Variants in BPGM observed in about 807,000 individuals in gnomAD.
BPGM encodes the protein bisphosphoglycerate mutase.
A neutral mutation model predicts 21.6 loss-of-function variants in BPGM; 15 were observed. The ratio of observed to expected loss-of-function variants is 0.70; its 90% CI spans 0.47 to 1.07. The LOEUF is 1.07. BPGM is among the 50% of genes least tolerant of loss of function. The probability of loss-of-function intolerance (pLI) is 0.00; values close to 1 mark genes in which losing one functional copy is unlikely to be tolerated. For missense variants in BPGM, 273 were observed against 319.0 expected, an observed-to-expected ratio of 0.86 and a Z score of 1.10; for synonymous variants, 113 against 116.2, an observed-to-expected ratio of 0.97 and a Z score of 0.18.
At chr7:134,673,415 G>T (rs201653266) in intron 2 of BPGM, among the ~76,000 whole-genome samples, 76 of 152,042 alleles carry the variant, frequency 5.0e-4, no homozygotes, top group African/African-American at 1.5e-3. Context: ...TTGTTTATTT[G>T]GCTCTTTAAT....
chr7:134,653,280 G>T (rs1795584458), intron 1 of BPGM, among the ~76,000 whole-genome samples: 1 of 152,142 alleles, frequency 6.6e-6, no homozygotes, highest in South Asian at 2.1e-4. Context: ...GCTATTTGGT[G>T]GTTTACAGAA....
At chr7:134,650,397 A>C (rs886831683) in intron 1 of BPGM, among the ~76,000 whole-genome samples, 28 of 152,320 alleles carry the variant, frequency 1.8e-4, no homozygotes, top group Non-Finnish European at 3.2e-4. Flanking sequence ...AATCAGTAGG[A>C]AATATTAGTA....
intron 1 of BPGM, among the ~76,000 whole-genome samples, chr7:134,655,236 C>T (rs1318996112): frequency 2.6e-5 from 4 of 152,082 alleles, no homozygotes; most frequent in African/African-American, 4.8e-5. Flanking sequence ...TAGTAAGGTT[C>T]CTCTTTATAA....
chr7:134,664,609 C>T (rs1014519623), intron 2 of BPGM, among the ~76,000 whole-genome samples: 1 of 152,094 alleles, frequency 6.6e-6, no homozygotes, highest in Non-Finnish European at 1.5e-5. Context: ...TCACAATGCC[C>T]AAGAGGAATG....
In BPGM at chr7:134,659,178, C is replaced by T. The variant is rs148739415; in HGVS notation, c.-61-2269C>T. The stretch of plus-strand genomic sequence containing the variant: ...TAAACTGAGGGTGAAGGTAGAGGAA[C>T]AGTTGATAGCTTCTTTTTTCTCCAT... On this transcript the variant is annotated intron_variant, in intron 1 of 2. Transcript: ENST00000344924. Among the ~76,000 whole-genome samples the T allele has an allele frequency of 3.5e-3, 528 of 152,252 alleles. 3 individuals carry two copies. The highest frequency in any genetic ancestry group is 0.012 in the African/African-American group (499 of 41,540).
intron 2 of BPGM, among the ~76,000 whole-genome samples, chr7:134,663,437 T>C (rs1178379668): frequency 6.6e-6 from 1 of 152,152 alleles, no homozygotes; most frequent in Non-Finnish European, 1.5e-5. Context: ...TCTTATTTAC[T>C]CAACTATATA....
chr7:134,658,338 T>C (rs2131424884), intron 1 of BPGM: 1 of 152,358 alleles, frequency 6.6e-6, no homozygotes, highest in East Asian at 1.9e-4. Context: ...ATCTTCTTTT[T>C]GTTTTCCAGA....
chr7:134,678,735 A>C (rs559389586), intron 2 of BPGM, 118 bp from the exon 3 acceptor site: 2 of 1,020,102 alleles, frequency 2.0e-6, no homozygotes, highest in African/African-American at 1.6e-5. Context: ...GGAATCCCTC[A>C]GTACCTGCAT....
At chr7:134,667,567 C>G (rs138924149) in intron 2 of BPGM, among the ~76,000 whole-genome samples, 1 of 152,106 alleles carries the variant, frequency 6.6e-6, no homozygotes, top group East Asian at 1.9e-4. Context: ...AAAATGAAGA[C>G]GTTAGCTTTC....
chr7:134,656,654 C>T (rs549161489), intron 1 of BPGM, among the ~76,000 whole-genome samples: 1 of 152,142 alleles, frequency 6.6e-6, no homozygotes, highest in Non-Finnish European at 1.5e-5. Flanking sequence ...AACTCACTTT[C>T]TATCATAAGA....
intron 2 of BPGM, among the ~76,000 whole-genome samples, chr7:134,665,933 A>C (rs543752840): frequency 6.6e-6 from 1 of 151,662 alleles, no homozygotes; most frequent in South Asian, 2.1e-4. Context: ...GCTGGAATGC[A>C]GTGGTTCGAT....
chr7:134,661,354 G>A lies in BPGM; in HGVS notation c.-61-93G>A. The stretch of plus-strand genomic sequence containing the variant: ...TTTCTGACTGTTCAAAGGGATTTCA[G>A]TTTCTTTTAGAAATTGGGTGTTGTA... On this transcript the variant is annotated intron_variant, in intron 1 of 2. Coordinates refer to ENST00000344924, the MANE Select transcript of BPGM (RefSeq NM_001724.5). This position sits in a 1 kb window ranked among gnomAD's most constrained non-coding sequence, Gnocchi z 4.6. The A allele has an allele frequency of 1.8e-6, 2 of 1,092,730 alleles. No homozygotes were observed. Among genetic ancestry groups the A allele is most frequent in the Non-Finnish European group, 2.7e-6 (2 of 749,566 alleles). The allele number at this position is 1,092,730 out of a possible 1,614,324, so 67.7% of individuals were successfully genotyped here. A position where few individuals can be genotyped will look rare whatever the true frequency, so the allele number is the denominator to read the frequency against.
At chr7:134,658,278 G>A (rs577857346) in intron 1 of BPGM, 62 of 152,198 alleles carry the variant, frequency 4.1e-4, no homozygotes, top group South Asian at 3.7e-3. Context: ...TTTCTCTGTG[G>A]TCTGACTCTA....
At chr7:134,676,993 G>A (rs1795991341) in intron 2 of BPGM, among the ~76,000 whole-genome samples, 2 of 152,186 alleles carry the variant, frequency 1.3e-5, no homozygotes, top group Non-Finnish European at 2.9e-5. Flanking sequence ...TAGAGGTCTG[G>A]TCTGAGTAGA....
rs145480771 is a variant in BPGM at position 134,666,624 on chromosome 7, T to C, written c.601+4516T>C. Among the ~76,000 whole-genome samples the C allele has an allele frequency of 2.0e-5, 3 of 152,322 alleles. No individual in the cohort carries two copies. In the East Asian group the frequency reaches 5.8e-4, roughly 29 times the overall value. On this transcript the variant is annotated intron_variant, in intron 2 of 2. Coordinates refer to ENST00000344924, the MANE Select transcript of BPGM (RefSeq NM_001724.5). ...TTCCTTTTTGGCCTATAGTACCTCC[T>C]GGTGGTACTCCAATTAACACTAATG...
chr7:134,674,485 T>C (rs1451835402), intron 2 of BPGM, among the ~76,000 whole-genome samples: 1 of 152,226 alleles, frequency 6.6e-6, no homozygotes, highest in Admixed American at 6.5e-5. Context: ...GGACATTTCA[T>C]GTAAATGGAC....
Position 134,669,385 on chromosome 7 carries a change from T to TTTTTTTTA in BPGM, c.601+7295_601+7302dup, listed in dbSNP as rs538995301. Among the ~76,000 whole-genome samples the TTTTTTTTA allele has an allele frequency of 2.4e-4, 36 of 152,044 alleles. No individual in the cohort carries two copies. In the East Asian group the frequency reaches 7.0e-3, roughly 29 times the overall value. On this transcript the variant is annotated intron_variant, in intron 2 of 2. Coordinates refer to ENST00000344924, the MANE Select transcript of BPGM (RefSeq NM_001724.5). Reference sequence around the variant, plus strand: ...AGGTTGAAAGCTCCTCTAATAAAGGTTTTTTTTATTTTTTTATTTTTTTAT... The same window carrying TTTTTTTTA: ...AGGTTGAAAGCTCCTCTAATAAAGGTTTTTTTTATTTTTTTATTTTTTTATTTTTTTAT...
rs930581931 is a variant in BPGM at position 134,646,920 on chromosome 7, C to CTGCTGCTGG, written c.-77_-76insCTGCTGGTG. The CTGCTGCTGG allele has an allele frequency of 2.0e-3, 373 of 187,146 alleles. 3 individuals are homozygous for CTGCTGCTGG. Among genetic ancestry groups the CTGCTGCTGG allele is most frequent in the African/African-American group, 8.3e-3 (351 of 42,386 alleles). 11.6% of individuals were successfully genotyped at this position (187,146 alleles called of 1,614,324 possible). ...GCGGCTGCTGCTGCTGCTGCTGCTG[C>CTGCTGCTGG]TGGTGGCCCCTTTGCAGGTGAGTGG... On this transcript the variant is annotated 5_prime_UTR_variant, in exon 1 of 3. Transcript: ENST00000344924.
At chr7:134,673,873 G>A (rs1424710586) in intron 2 of BPGM, among the ~76,000 whole-genome samples, 1 of 143,086 alleles carries the variant, frequency 7.0e-6, no homozygotes, top group Non-Finnish European at 1.5e-5. Flanking sequence ...AGTAGAGCAG[G>A]TTTTTATTTA....
Sources: allele counts gnomAD v4.1 joint callset (sites outside exome capture counted in the v4.1 genomes callset), GRCh38; gene constraint gnomAD v4.1.1; non-coding constraint Gnocchi (gnomAD v3.1); transcripts MANE v1.5; gene names NCBI Gene and HGNC (gene_info 2026-07-23, HGNC 2026-07-21).